PDE4D: variants seen among roughly 807,000 people sequenced by gnomAD.
PDE4D encodes the protein phosphodiesterase 4D.
Under a neutral mutation model 87.4 loss-of-function variants are expected in PDE4D, and 24 were observed. The ratio of observed to expected loss-of-function variants is 0.27; its 90% CI spans 0.20 to 0.39. The LOEUF (loss-of-function observed/expected upper bound fraction) is 0.39. Among genes scored for constraint, PDE4D ranks in the 10% least tolerant of loss-of-function variants. PDE4D has a pLI of 1.00. For missense variants in PDE4D, 714 were observed against 1,041.0 expected, an observed-to-expected ratio of 0.69 and a Z score of 4.32; for synonymous variants, 384 against 383.2, an observed-to-expected ratio of 1.00 and a Z score of -0.02.
intron 2 of PDE4D, among the ~76,000 whole-genome samples, chr5:60,059,282 C>T (rs1323946462): frequency 6.6e-6 from 1 of 151,930 alleles, no homozygotes; most frequent in Non-Finnish European, 1.5e-5. Flanking sequence ...CTTCTCTAAT[C>T]ACCTAACTCC....
chr5:60,371,205 C>T (rs968682556), intron 1 of PDE4D, among the ~76,000 whole-genome samples: 1 of 152,170 alleles, frequency 6.6e-6, no homozygotes. Flanking sequence ...TTGCACTACG[C>T]GAATGGCCTT....
intron 1 of PDE4D, among the ~76,000 whole-genome samples, chr5:59,614,609 C>T (rs1829424685): frequency 1.3e-5 from 2 of 152,108 alleles, no homozygotes; most frequent in South Asian, 4.1e-4. Context: ...AATACCAATC[C>T]TGTTTACCTA....
At chr5:59,030,325 A>C (rs565895851) in intron 6 of PDE4D, among the ~76,000 whole-genome samples, 3 of 151,736 alleles carry the variant, frequency 2.0e-5, no homozygotes, top group African/African-American at 7.2e-5. Flanking sequence ...AAATTCAAAC[A>C]ACCAAATAGT....
intron 1 of PDE4D, among the ~76,000 whole-genome samples, chr5:59,880,688 C>CA (rs1302002213): frequency 2.0e-5 from 3 of 152,074 alleles, no homozygotes; most frequent in Non-Finnish European, 4.4e-5. Context: ...ATTAGTAAGA[C>CA]ATATAATCAT....
chr5:60,460,555 G>C, intron 1 of PDE4D: 2 of 1,350,936 alleles, frequency 1.5e-6, no homozygotes, highest in South Asian at 1.2e-5. Flanking sequence ...CTCCTCACTG[G>C]CTTCTTCATT....
In PDE4D at chr5:58,974,639, AAAAG is replaced by A; in HGVS notation, c.*21_*24del. ...AAACAATTTTTCTACTTAAAAAAAA[AAAAG>A]GCATGAAAGTTTTTGCACTGTTACG... On this transcript the variant is annotated 3_prime_UTR_variant, in exon 15 of 15. Coordinates refer to ENST00000340635, the MANE Select transcript of PDE4D (RefSeq NM_001104631.2). 2.0e-6 allele frequency: 3 copies of A among 1,513,908 alleles called. No individual in the cohort carries two copies. Among genetic ancestry groups the A allele is most frequent in the South Asian group, 1.3e-5 (1 of 74,616 alleles). 93.8% of individuals were successfully genotyped at this position (1,513,908 alleles called of 1,614,324 possible).
chr5:59,938,423 A>G (rs1254166040), intron 3 of PDE4D, among the ~76,000 whole-genome samples: 1 of 152,224 alleles, frequency 6.6e-6, no homozygotes, highest in African/African-American at 2.4e-5. Context: ...TCTGGACTGC[A>G]TATCAACCAA....
chr5:59,519,969 G>A (rs1341838611), intron 1 of PDE4D, among the ~76,000 whole-genome samples: 1 of 152,194 alleles, frequency 6.6e-6, no homozygotes, highest in South Asian at 2.1e-4. Flanking sequence ...TTATAAATGA[G>A]GCTGTTTATG....
At chr5:60,417,398 GT>G (rs886193557) in intron 1 of PDE4D, among the ~76,000 whole-genome samples, 30 of 152,260 alleles carry the variant, frequency 2.0e-4, no homozygotes, top group African/African-American at 5.8e-4. Context: ...TCTTTGTTCT[GT>G]TTTTTGTTTC....
chr5:60,136,577 A>C (rs529359463), intron 2 of PDE4D, among the ~76,000 whole-genome samples: 2 of 152,166 alleles, frequency 1.3e-5, no homozygotes, highest in Non-Finnish European at 2.9e-5. Context: ...GGCCTACCAA[A>C]GTGCTGGGTA....
At chr5:59,783,938 G>A (rs1764881576) in intron 1 of PDE4D, among the ~76,000 whole-genome samples, 1 of 152,092 alleles carries the variant, frequency 6.6e-6, no homozygotes. Context: ...TGCACCTGTG[G>A]TCTTAGCTAT....
At chr5:59,762,159 T>TATA (rs1762054181) in intron 1 of PDE4D, among the ~76,000 whole-genome samples, 1 of 151,918 alleles carries the variant, frequency 6.6e-6, no homozygotes, top group East Asian at 1.9e-4. Flanking sequence ...TGTGTGTGTG[T>TATA]ATATATAGGT....
chr5:59,758,205 A>G (rs1003161256), intron 1 of PDE4D, among the ~76,000 whole-genome samples: 1 of 152,178 alleles, frequency 6.6e-6, no homozygotes, highest in South Asian at 2.1e-4. Context: ...TGGTTATGTA[A>G]GAACTTTTTC....
chr5:60,068,049 T>A (rs1334792559), intron 2 of PDE4D, among the ~76,000 whole-genome samples: 1 of 152,210 alleles, frequency 6.6e-6, no homozygotes, highest in East Asian at 1.9e-4. Flanking sequence ...TAATACATCT[T>A]TGAGATCCTG....
At chr5:59,773,629 A>G (rs1052054909) in intron 1 of PDE4D, among the ~76,000 whole-genome samples, 2 of 152,160 alleles carry the variant, frequency 1.3e-5, no homozygotes, top group Non-Finnish European at 2.9e-5. Flanking sequence ...CAATATGAAG[A>G]AATTTTAATT....
At chr5:59,304,128 A>G (rs914148782) in intron 1 of PDE4D, among the ~76,000 whole-genome samples, 3 of 151,932 alleles carry the variant, frequency 2.0e-5, no homozygotes, top group Non-Finnish European at 4.4e-5. Flanking sequence ...GTATATTCTT[A>G]AGTATTTTAT....
intron 3 of PDE4D, among the ~76,000 whole-genome samples, chr5:59,969,501 C>A (rs1390823018): frequency 1.3e-5 from 2 of 152,158 alleles, no homozygotes; most frequent in Admixed American, 6.6e-5. Context: ...TAATGTCTCA[C>A]CTGCCAGGTC....
At chr5:59,730,696 C>T (rs1757250593) in intron 1 of PDE4D, among the ~76,000 whole-genome samples, 1 of 152,072 alleles carries the variant, frequency 6.6e-6, no homozygotes, top group Admixed American at 6.6e-5. Flanking sequence ...TTTCAACACT[C>T]CTTGATATCA....
intron 1 of PDE4D, among the ~76,000 whole-genome samples, chr5:59,712,934 T>A (rs1046973059): frequency 1.3e-5 from 2 of 152,208 alleles, no homozygotes; most frequent in Admixed American, 6.5e-5. Flanking sequence ...CCAGTATAAA[T>A]GTTTTACTAT....
Sources: allele counts gnomAD v4.1 joint callset (sites outside exome capture counted in the v4.1 genomes callset), GRCh38; gene constraint gnomAD v4.1.1; transcripts MANE v1.5; gene names NCBI Gene and HGNC (gene_info 2026-07-23, HGNC 2026-07-21).